CDKAL1: variants seen among roughly 807,000 people sequenced by gnomAD.
The protein encoded by CDKAL1 is threonylcarbamoyladenosine tRNA methylthiotransferase.
In CDKAL1, 32 loss-of-function variants were observed where a neutral mutation model predicts 68.2. That is an observed-to-expected ratio of 0.47 (90% CI 0.35 to 0.63). The LOEUF is 0.63. Ranked by LOEUF, CDKAL1 falls within the 30% of genes least tolerant of loss-of-function variation. The pLI, the probability that CDKAL1 is intolerant of heterozygous loss-of-function variation, is 0.00. For missense variants in CDKAL1, 606 were observed against 696.7 expected (o/e 0.87, Z 1.47); for synonymous variants, 234 against 244.3 (o/e 0.96, Z 0.39).
At chr6:20,555,558 A>G (rs1039047652) in intron 4 of CDKAL1, among the ~76,000 whole-genome samples, 1 of 147,976 alleles carries the variant, frequency 6.8e-6, no homozygotes, top group Admixed American at 6.8e-5. Flanking sequence ...TTACCTAGTG[A>G]TCTACCCATC....
At chr6:20,643,293 C>A (rs113811465) in intron 4 of CDKAL1, among the ~76,000 whole-genome samples, 3,003 of 152,186 alleles carry the variant, frequency 0.02, 100 homozygotes, top group African/African-American at 0.068. Flanking sequence ...CATGAATGTT[C>A]TAAGGCAAGA....
At chr6:21,011,495 G>A (rs1768017327) in intron 11 of CDKAL1, among the ~76,000 whole-genome samples, 1 of 152,174 alleles carries the variant, frequency 6.6e-6, no homozygotes, top group South Asian at 2.1e-4. Context: ...TATTCTACTA[G>A]TATTTATTGG....
chr6:20,918,943 G>A (rs955324659), intron 9 of CDKAL1, among the ~76,000 whole-genome samples: 1 of 152,146 alleles, frequency 6.6e-6, no homozygotes, highest in Non-Finnish European at 1.5e-5. Context: ...ATCATATCCT[G>A]GAATTCCTCA....
chr6:20,585,585 C>T (rs991317202), intron 4 of CDKAL1, among the ~76,000 whole-genome samples: 1 of 152,174 alleles, frequency 6.6e-6, no homozygotes, highest in Non-Finnish European at 1.5e-5. Flanking sequence ...ACTTCTCAGT[C>T]CTTATCTTAT....
intron 4 of CDKAL1, among the ~76,000 whole-genome samples, chr6:20,648,531 A>G (rs9460540): frequency 0.36 from 54,035 of 152,040 alleles, 10,899 homozygotes; most frequent in Middle Eastern, 0.47. Context: ...TGGAGAATCT[A>G]CACATAGACA....
intron 4 of CDKAL1, among the ~76,000 whole-genome samples, chr6:20,571,855 T>TA (rs917839566): frequency 1.3e-5 from 2 of 152,054 alleles, no homozygotes; most frequent in African/African-American, 4.8e-5. Context: ...GATGTAATTT[T>TA]AAAAAAAATT....
chr6:21,213,555 C>T (rs760722726), intron 15 of CDKAL1, among the ~76,000 whole-genome samples: 7 of 152,144 alleles, frequency 4.6e-5, no homozygotes, highest in African/African-American at 7.2e-5. Flanking sequence ...TTTTCACTGA[C>T]TTTGAGTAGC....
At chr6:21,091,246 AAACCCCAC>A (rs1352665935) in intron 12 of CDKAL1, among the ~76,000 whole-genome samples, 6 of 152,204 alleles carry the variant, frequency 3.9e-5, no homozygotes, top group African/African-American at 1.4e-4. Context: ...CTAGGAGAGG[AAACCCCAC>A]AACAAGATTG....
At chr6:21,003,371 T>TATATATATATATATATACAC in intron 11 of CDKAL1, among the ~76,000 whole-genome samples, 508 of 48,984 alleles carry the variant, frequency 0.01, 11 homozygotes, top group East Asian at 0.018. Context: ...TATATATATA[T>TATATATATATATATATACAC]ACACACACAC....
intron 5 of CDKAL1, among the ~76,000 whole-genome samples, chr6:20,724,284 G>C (rs776607403): frequency 6.6e-6 from 1 of 152,102 alleles, no homozygotes; most frequent in Non-Finnish European, 1.5e-5. Context: ...GTTACTCCCT[G>C]CAAGGGAGTA....
At chr6:20,558,849 G>A (rs918659493) in intron 4 of CDKAL1, 43 of 330,718 alleles carry the variant, frequency 1.3e-4, no homozygotes, top group Non-Finnish European at 2.2e-4. Context: ...GGCTGGTCTT[G>A]AACTCCTGAG....
chr6:20,802,191 G>A (rs545437598), intron 8 of CDKAL1, among the ~76,000 whole-genome samples: 4 of 151,844 alleles, frequency 2.6e-5, no homozygotes, highest in Admixed American at 6.6e-5. Flanking sequence ...CCAGCTACTC[G>A]GGAGGCTGAG....
At chr6:21,006,152 C>T (rs1405031727) in intron 11 of CDKAL1, among the ~76,000 whole-genome samples, 1 of 152,022 alleles carries the variant, frequency 6.6e-6, no homozygotes, top group Admixed American at 6.6e-5. Context: ...ATCATTAGTC[C>T]TGGTCATTCA....
intron 9 of CDKAL1, among the ~76,000 whole-genome samples, chr6:20,915,826 A>G (rs745509161): frequency 3.3e-5 from 5 of 152,226 alleles, no homozygotes; most frequent in Non-Finnish European, 7.3e-5. Context: ...GTGAATGGAT[A>G]AACAACCTGT....
intron 13 of CDKAL1, among the ~76,000 whole-genome samples, chr6:21,166,127 A>G (rs1476404478): frequency 6.6e-6 from 1 of 152,222 alleles, no homozygotes; most frequent in Non-Finnish European, 1.5e-5. Context: ...CAGAATTAGC[A>G]TTCATATTGT....
intron 4 of CDKAL1, among the ~76,000 whole-genome samples, chr6:20,561,923 G>A (rs189069477): frequency 1.3e-3 from 193 of 152,272 alleles, no homozygotes; most frequent in African/African-American, 4.1e-3. Flanking sequence ...GTCTTGACAT[G>A]TCTTGGATAA....
chr6:20,740,776 CAG>C (rs1773420351), intron 6 of CDKAL1, among the ~76,000 whole-genome samples: 1 of 152,140 alleles, frequency 6.6e-6, no homozygotes, highest in Non-Finnish European at 1.5e-5. Flanking sequence ...TTTCAACAAA[CAG>C]AACCTGAATG....
At chr6:21,158,962 C>G (rs761012472) in intron 13 of CDKAL1, among the ~76,000 whole-genome samples, 33 of 151,970 alleles carry the variant, frequency 2.2e-4, no homozygotes, top group Non-Finnish European at 3.8e-4. Flanking sequence ...ATGTAGCTTT[C>G]TGGGATGAAG....
At chr6:20,650,067 C>T (rs556728503) in intron 5 of CDKAL1, among the ~76,000 whole-genome samples, 27 of 152,234 alleles carry the variant, frequency 1.8e-4, no homozygotes, top group East Asian at 3.9e-4. Context: ...TATGTTCCTT[C>T]GGGGATATAC....
Sources: gnomAD v4.1 joint callset for allele counts (sites outside exome capture counted in the v4.1 genomes callset) on GRCh38, gnomAD v4.1.1 for gene constraint, MANE v1.5 for transcripts, NCBI Gene and HGNC (gene_info 2026-07-23, HGNC 2026-07-21) for gene names.